TAFA5: variants seen among roughly 807,000 people sequenced by gnomAD.
TAFA5 encodes the protein chemokine-like protein TAFA-5.
A neutral mutation model predicts 15.3 loss-of-function variants in TAFA5; 6 were observed. The observed-to-expected ratio is 0.39, with a 90% CI of 0.21 to 0.77. The LOEUF is 0.77. Ranked by LOEUF, TAFA5 falls within the 30% of genes least tolerant of loss-of-function variation. The probability of loss-of-function intolerance (pLI) is 0.41; values close to 1 mark genes in which losing one functional copy is unlikely to be tolerated. For synonymous variants in TAFA5, 103 were observed against 80.7 expected (o/e 1.28, Z -1.48); for missense variants, 161 against 193.1 (o/e 0.83, Z 0.98).
chr22:48,706,020 AGGGACCGGGGCTGCAGAC>A (rs1185742769), intron 2 of TAFA5, among the ~76,000 whole-genome samples: 1 of 152,192 alleles, frequency 6.6e-6, no homozygotes, highest in African/African-American at 2.4e-5. Context: ...GCTTCGTGAA[AGGGACCGGGGCTGCAGAC>A]GGGAGGTGGG....
At chr22:48,716,338 A>G (rs1929399906) in intron 3 of TAFA5, among the ~76,000 whole-genome samples, 1 of 152,262 alleles carries the variant, frequency 6.6e-6, no homozygotes, top group Admixed American at 6.5e-5. Flanking sequence ...CTATGCAGCC[A>G]TAAAAAAGAA....
Position 48,651,816 on chromosome 22 carries a change from G to A in TAFA5, c.262+5070G>A, listed in dbSNP as rs569352853. 3.9e-5 allele frequency among the ~76,000 whole-genome samples: 6 copies of A among 152,268 alleles called. No individual in the cohort carries two copies. The East Asian group carries it at 9.7e-4, about 25-fold the overall frequency. On this transcript the variant is annotated intron_variant, in intron 2 of 3. Transcript: ENST00000402357. ...CCCTGTCCTCATCCTCCAGCAGCAG[G>A]TCGGTGCGGGAGGGTGGAGGGTGCC...
intron 2 of TAFA5, among the ~76,000 whole-genome samples, chr22:48,668,760 GT>G (rs1349168902): frequency 7.9e-5 from 12 of 151,270 alleles, no homozygotes; most frequent in South Asian, 2.1e-4. Context: ...ACTGGGAGCT[GT>G]AGTCCCCCAG....
At chr22:48,563,393 C>T (rs1460115691) in intron 1 of TAFA5, among the ~76,000 whole-genome samples, 1 of 152,220 alleles carries the variant, frequency 6.6e-6, no homozygotes, top group Non-Finnish European at 1.5e-5. Flanking sequence ...GTCTGTCTGG[C>T]CTCACTCACC....
At chr22:48,544,241 A>T (rs1370405198) in intron 1 of TAFA5, 2 of 197,364 alleles carry the variant, frequency 1.0e-5, no homozygotes, top group Non-Finnish European at 2.1e-5. Context: ...CCCAGCTCTG[A>T]TACCCGCCAC....
At chr22:48,648,065 T>A (rs1926927713) in intron 2 of TAFA5, among the ~76,000 whole-genome samples, 3 of 152,144 alleles carry the variant, frequency 2.0e-5, no homozygotes, top group African/African-American at 7.2e-5. Flanking sequence ...CGCTGGCCAG[T>A]GGCCCCTCCA....
intron 1 of TAFA5, among the ~76,000 whole-genome samples, chr22:48,564,044 G>A (rs1031514547): frequency 1.7e-4 from 26 of 152,242 alleles, no homozygotes; most frequent in African/African-American, 5.8e-4. Flanking sequence ...ACCCTAAGCC[G>A]AGGCCTGGCG....
At chr22:48,586,772 G>A (rs1248066737) in intron 1 of TAFA5, among the ~76,000 whole-genome samples, 7 of 152,234 alleles carry the variant, frequency 4.6e-5, no homozygotes, top group Non-Finnish European at 5.9e-5. Context: ...ACAGTTGGGC[G>A]ACCTGGACAG....
intron 1 of TAFA5, among the ~76,000 whole-genome samples, chr22:48,645,729 C>G (rs2147201599): frequency 6.6e-6 from 1 of 152,172 alleles, no homozygotes; most frequent in Non-Finnish European, 1.5e-5. Flanking sequence ...CTGCAGAGCA[C>G]ATCCATGAAG....
At chr22:48,665,912 A>T (rs1927592909) in intron 2 of TAFA5, among the ~76,000 whole-genome samples, 1 of 151,392 alleles carries the variant, frequency 6.6e-6, no homozygotes, top group Non-Finnish European at 1.5e-5. Flanking sequence ...CGCAGTGGGG[A>T]GGTAGATAGC....
rs1405882259 is a variant in TAFA5, at chr22:48,732,655, A to G, written c.391-17184A>G. ...TTCGAATATTCCATAGGCCTAGTTG[A>G]CAGTGCAGCGGCAGGTGTGAGAGAA... On this transcript the variant is annotated intron_variant, in intron 3 of 3. Coordinates refer to ENST00000402357, the MANE Select transcript of TAFA5 (RefSeq NM_001082967.3). Among the ~76,000 whole-genome samples, 4 of 152,306 alleles carry G rather than the reference A, an allele frequency of 2.6e-5. No individual in the cohort carries two copies. The East Asian group carries it at 5.8e-4, about 22-fold the overall frequency.
intron 1 of TAFA5, among the ~76,000 whole-genome samples, chr22:48,570,118 G>A (rs984635696): frequency 6.6e-6 from 1 of 152,112 alleles, no homozygotes; most frequent in Non-Finnish European, 1.5e-5. Flanking sequence ...CCTGCCTTCC[G>A]GTCCACACTG....
rs1037433623 is a variant in TAFA5, at chr22:48,593,697, C to T, written c.113-52900C>T. Among the ~76,000 whole-genome samples the T allele has an allele frequency of 3.3e-5, 5 of 152,164 alleles. No individual in the cohort carries two copies. In the South Asian group the frequency reaches 6.2e-4, roughly 19 times the overall value. ...CTCGGGTGCAGTGAACTCTGGGAGCCGTCGCAGCCCAGGGAGTCCCCAAGG... is the reference window on the plus strand; with the variant it reads ...CTCGGGTGCAGTGAACTCTGGGAGCTGTCGCAGCCCAGGGAGTCCCCAAGG... On this transcript the variant is annotated intron_variant, in intron 1 of 3. Transcript: ENST00000402357.
At chr22:48,702,576 G>A (rs1345768254) in intron 2 of TAFA5, among the ~76,000 whole-genome samples, 1 of 147,118 alleles carries the variant, frequency 6.8e-6, no homozygotes, top group Non-Finnish European at 1.5e-5. Context: ...TACCTGTCGT[G>A]TGCTCAGGAC....
chr22:48,579,479 G>A (rs75745542), intron 1 of TAFA5, among the ~76,000 whole-genome samples: 1,876 of 152,316 alleles, frequency 0.012, 47 homozygotes, highest in African/African-American at 0.042. Flanking sequence ...GGACGAGGGC[G>A]GGAATCCCAG....
chr22:48,723,994 G>C (rs1316804898), intron 3 of TAFA5, among the ~76,000 whole-genome samples: 1 of 152,234 alleles, frequency 6.6e-6, no homozygotes, highest in Non-Finnish European at 1.5e-5. Context: ...GGAAACCCCT[G>C]CCCATCTGGT....
intron 1 of TAFA5, among the ~76,000 whole-genome samples, chr22:48,493,874 G>A (rs1171058254): frequency 2.0e-5 from 3 of 152,166 alleles, no homozygotes; most frequent in Admixed American, 1.3e-4. Flanking sequence ...CTGGAGAGCC[G>A]CATTTACTCC....
At chr22:48,672,660 C>T (rs557316967) in intron 2 of TAFA5, among the ~76,000 whole-genome samples, 4 of 152,312 alleles carry the variant, frequency 2.6e-5, no homozygotes, top group African/African-American at 7.2e-5. Flanking sequence ...TTGCTCATCA[C>T]CCCTCAGGAA....
At chr22:48,536,280 G>C (rs1038378763) in intron 1 of TAFA5, among the ~76,000 whole-genome samples, 3 of 152,212 alleles carry the variant, frequency 2.0e-5, no homozygotes, top group African/African-American at 7.2e-5. Context: ...GGTTTTTGTG[G>C]GGCAACATAG....
Sources: gnomAD v4.1 joint callset for allele counts (sites outside exome capture counted in the v4.1 genomes callset) on GRCh38, gnomAD v4.1.1 for gene constraint, MANE v1.5 for transcripts, NCBI Gene and HGNC (gene_info 2026-07-23, HGNC 2026-07-21) for gene names.